Variants in ZMAT4 observed in about 807,000 individuals in gnomAD.
ZMAT4 encodes zinc finger matrin-type 4, also known as zinc finger matrin-type protein 4.
Under a neutral mutation model 28.7 loss-of-function variants are expected in ZMAT4, and 17 were observed. That is an observed-to-expected ratio of 0.59 (90% CI 0.41 to 0.89). The LOEUF (loss-of-function observed/expected upper bound fraction) is 0.89, where lower values mean the gene tolerates loss of function less well. ZMAT4 is among the 40% of genes least tolerant of loss of function. ZMAT4 has a pLI of 0.00. For synonymous variants in ZMAT4, 117 were observed against 109.2 expected, an observed-to-expected ratio of 1.07 and a Z score of -0.44; for missense variants, 240 against 283.8, an observed-to-expected ratio of 0.85 and a Z score of 1.11.
At chr8:40,819,376 C>T (rs1815661320) in intron 2 of ZMAT4, among the ~76,000 whole-genome samples, 1 of 152,160 alleles carries the variant, frequency 6.6e-6, no homozygotes, top group South Asian at 2.1e-4. Context: ...CAGACCAATG[C>T]TCAATGTATT....
chr8:40,885,981 C>T (rs1051265726), intron 1 of ZMAT4, among the ~76,000 whole-genome samples: 5 of 152,222 alleles, frequency 3.3e-5, no homozygotes, highest in African/African-American at 9.6e-5. Context: ...AGGCTGGGAA[C>T]TGGGTCAGTT....
intron 3 of ZMAT4, among the ~76,000 whole-genome samples, chr8:40,741,307 C>T (rs572235896): frequency 2.6e-5 from 4 of 151,894 alleles, no homozygotes; most frequent in East Asian, 1.9e-4. Flanking sequence ...ATTAGCCAGG[C>T]GTGGTGGCAT....
At chr8:40,755,366 C>T (rs1812635907) in intron 3 of ZMAT4, among the ~76,000 whole-genome samples, 1 of 152,200 alleles carries the variant, frequency 6.6e-6, no homozygotes, top group African/African-American at 2.4e-5. Context: ...CCCCTTGTGG[C>T]ATGAAAGCAG....
At chr8:40,722,424 A>G (rs936807690) in intron 3 of ZMAT4, among the ~76,000 whole-genome samples, 1 of 152,202 alleles carries the variant, frequency 6.6e-6, no homozygotes, top group East Asian at 1.9e-4. Context: ...ATTTGTATTT[A>G]TAACCAGATA....
At chr8:40,765,909 G>C (rs756083537) in intron 3 of ZMAT4, among the ~76,000 whole-genome samples, 1 of 152,124 alleles carries the variant, frequency 6.6e-6, no homozygotes, top group Non-Finnish European at 1.5e-5. Flanking sequence ...AGTAAAAAAC[G>C]AATTCTATTC....
Position 40,531,032 on chromosome 8 carries a change from G to A in ZMAT4, c.*1191C>T, listed in dbSNP as rs1257915397. On this transcript the variant is annotated 3_prime_UTR_variant, in exon 7 of 7. Transcript: ENST00000297737. ...ATTGCCTATGGTCGTTAGGGACACA[G>A]GGCAGCCCCAGCCAGATCCCAGCTG... 1 of 152,680 alleles carries A rather than the reference G, an allele frequency of 6.5e-6. No individual in the cohort carries two copies. The highest frequency in any genetic ancestry group is 1.5e-5 in the Non-Finnish European group (1 of 68,106). The allele number at this position is 152,680 out of a possible 1,614,324, so 9.5% of individuals were successfully genotyped here. A position where few individuals can be genotyped will look rare whatever the true frequency, so the allele number is the denominator to read the frequency against.
intron 2 of ZMAT4, among the ~76,000 whole-genome samples, chr8:40,819,574 A>G (rs907919041): frequency 2.6e-5 from 4 of 152,070 alleles, no homozygotes; most frequent in African/African-American, 9.7e-5. Flanking sequence ...ATGCACAAAA[A>G]CACTCAGCAC....
chr8:40,810,039 G>A (rs528916490), intron 2 of ZMAT4, among the ~76,000 whole-genome samples: 75 of 151,830 alleles, frequency 4.9e-4, no homozygotes, highest in Admixed American at 6.6e-4. Flanking sequence ...GCTAAACTCC[G>A]TCTTAAAACA....
chr8:40,562,410 C>A (rs1041681620), intron 6 of ZMAT4, among the ~76,000 whole-genome samples: 1 of 152,102 alleles, frequency 6.6e-6, no homozygotes, highest in Non-Finnish European at 1.5e-5. Context: ...GCACTTTTGA[C>A]CCAACATGTC....
At chr8:40,764,837 A>ATTG (rs1665392392) in intron 3 of ZMAT4, among the ~76,000 whole-genome samples, 1 of 152,020 alleles carries the variant, frequency 6.6e-6, no homozygotes, top group Admixed American at 6.6e-5. Context: ...TATTATTATT[A>ATTG]TTATTATTTT....
intron 4 of ZMAT4, among the ~76,000 whole-genome samples, chr8:40,681,074 G>A (rs767813164): frequency 6.6e-6 from 1 of 152,076 alleles, no homozygotes; most frequent in Non-Finnish European, 1.5e-5. Flanking sequence ...ATCTTGTCTG[G>A]TCAATAAGGC....
intron 5 of ZMAT4, among the ~76,000 whole-genome samples, chr8:40,673,889 G>A (rs752861272): frequency 1.8e-4 from 28 of 152,096 alleles, no homozygotes; most frequent in Non-Finnish European, 3.5e-4. Flanking sequence ...GGGGCATGGT[G>A]CGGAGGAGAC....
intron 5 of ZMAT4, among the ~76,000 whole-genome samples, chr8:40,673,588 A>AT (rs981388672): frequency 6.6e-6 from 1 of 152,128 alleles, no homozygotes; most frequent in Admixed American, 6.5e-5. Context: ...AATTATTTTT[A>AT]TTTTTCTGAG....
intron 3 of ZMAT4, among the ~76,000 whole-genome samples, chr8:40,735,779 T>C (rs1229873223): frequency 1.3e-5 from 2 of 152,100 alleles, no homozygotes; most frequent in Admixed American, 6.5e-5. Flanking sequence ...CAAAGACATA[T>C]GGACGTTTAA....
intron 5 of ZMAT4, among the ~76,000 whole-genome samples, chr8:40,582,974 G>A (rs368055019): frequency 2.0e-5 from 3 of 152,168 alleles, no homozygotes; most frequent in African/African-American, 7.2e-5. Flanking sequence ...AACGTCCAGG[G>A]GAAGTGGTCA....
intron 6 of ZMAT4, among the ~76,000 whole-genome samples, chr8:40,567,063 T>C (rs957241362): frequency 1.3e-5 from 2 of 152,124 alleles, no homozygotes; most frequent in Non-Finnish European, 2.9e-5. Flanking sequence ...TGGGTGTCTT[T>C]AGAAGGAAAG....
intron 5 of ZMAT4, among the ~76,000 whole-genome samples, chr8:40,600,499 A>G (rs992132430): frequency 3.9e-5 from 6 of 152,154 alleles, no homozygotes; most frequent in Non-Finnish European, 7.4e-5. Context: ...TGCTGAGCCA[A>G]CCTTCCCTTC....
intron 5 of ZMAT4, among the ~76,000 whole-genome samples, chr8:40,624,895 G>A (rs540069758): frequency 3.3e-5 from 5 of 152,314 alleles, no homozygotes; most frequent in Admixed American, 3.3e-4. Context: ...GCCCCAAGGA[G>A]CTTAGCATGT....
In ZMAT4 at chr8:40,610,927, G is replaced by A. The variant is rs532041670; in HGVS notation, c.578-29666C>T. ...ATTCTCAGACTTAAAAACCAGATTT[G>A]CCCTTTTGCATTTTTTTTTTTTTGG... On this transcript the variant is annotated intron_variant, in intron 5 of 6. Transcript: ENST00000297737. 1.8e-4 allele frequency among the ~76,000 whole-genome samples: 18 copies of A among 100,868 alleles called. No individual in the cohort carries two copies. In the South Asian group the frequency reaches 6.8e-3, roughly 38 times the overall value. 66.2% of individuals were successfully genotyped at this position (100,868 alleles called of 152,430 possible). A position where few individuals can be genotyped will look rare whatever the true frequency, so the allele number is the denominator to read the frequency against.
Sources: gnomAD v4.1 joint callset for allele counts (sites outside exome capture counted in the v4.1 genomes callset) on GRCh38, gnomAD v4.1.1 for gene constraint, MANE v1.5 for transcripts, NCBI Gene and HGNC (gene_info 2026-07-23, HGNC 2026-07-21) for gene names.